The following LRMDA variants were observed in gnomAD, a reference collection of about 807,000 sequenced individuals.
LRMDA encodes the protein leucine rich melanocyte differentiation associated.
A neutral mutation model predicts 29.8 loss-of-function variants in LRMDA; 18 were observed. The observed-to-expected ratio is 0.60, with a 90% CI of 0.42 to 0.90. The LOEUF is 0.90. Among genes scored for constraint, LRMDA ranks in the 40% least tolerant of loss-of-function variants. The pLI is 0.00. For synonymous variants in LRMDA, 125 were observed against 109.4 expected (o/e 1.14, Z -0.89); for missense variants, 273 against 273.9 (o/e 1.00, Z 0.02).
At chr10:75,468,175 G>T (rs561314174) in intron 2 of LRMDA, among the ~76,000 whole-genome samples, 1 of 152,114 alleles carries the variant, frequency 6.6e-6, no homozygotes, top group East Asian at 1.9e-4. Context: ...GAGAGGTTGG[G>T]GCATTGATAA....
At chr10:76,092,958 T>C (rs559405032) in intron 5 of LRMDA, among the ~76,000 whole-genome samples, 1 of 152,292 alleles carries the variant, frequency 6.6e-6, no homozygotes, top group South Asian at 2.1e-4. Flanking sequence ...GGAACTCAGG[T>C]ATTTCTTTTG....
At chr10:76,515,799 C>G (rs1843055244) in intron 6 of LRMDA, among the ~76,000 whole-genome samples, 1 of 152,194 alleles carries the variant, frequency 6.6e-6, no homozygotes, top group African/African-American at 2.4e-5. Flanking sequence ...GCACCATGCC[C>G]AGCCCCCATC....
chr10:75,811,068 C>T (rs1490345982), intron 2 of LRMDA, among the ~76,000 whole-genome samples: 1 of 152,148 alleles, frequency 6.6e-6, no homozygotes, highest in East Asian at 1.9e-4. Context: ...TCAGGATGCA[C>T]AGCTCTTTGT....
chr10:76,389,521 T>C (rs984666050), intron 6 of LRMDA, among the ~76,000 whole-genome samples: 29 of 152,172 alleles, frequency 1.9e-4, no homozygotes, highest in African/African-American at 6.3e-4. Context: ...AAGTGTACAG[T>C]TCAGTGGCGT....
At chr10:76,043,873 A>G (rs1848382529) in intron 3 of LRMDA, among the ~76,000 whole-genome samples, 1 of 152,216 alleles carries the variant, frequency 6.6e-6, no homozygotes, top group Admixed American at 6.5e-5. Context: ...CATACAGCAG[A>G]CAGAAAAAAG....
intron 6 of LRMDA, among the ~76,000 whole-genome samples, chr10:76,411,148 A>G (rs1841956838): frequency 6.6e-6 from 1 of 152,220 alleles, no homozygotes; most frequent in Non-Finnish European, 1.5e-5. Context: ...ATTTTATTAG[A>G]AAAGAATAAA....
chr10:75,974,243 C>T (rs1847031782), intron 2 of LRMDA, among the ~76,000 whole-genome samples: 1 of 152,198 alleles, frequency 6.6e-6, no homozygotes, highest in Admixed American at 6.5e-5. Flanking sequence ...GCAAACACAC[C>T]TTGCTGAGCC....
At chr10:75,859,642 CACACAT>C (rs1312977665) in intron 2 of LRMDA, among the ~76,000 whole-genome samples, 2,070 of 136,852 alleles carry the variant, frequency 0.015, 52 homozygotes, top group East Asian at 0.11. Context: ...CACACACACA[CACACAT>C]ACATCTGGCC....
chr10:75,974,354 T>G (rs1315546729), intron 2 of LRMDA, among the ~76,000 whole-genome samples: 2 of 152,130 alleles, frequency 1.3e-5, no homozygotes, highest in Non-Finnish European at 2.9e-5. Flanking sequence ...AAAATATCAT[T>G]GTTAGTCATT....
intron 5 of LRMDA, among the ~76,000 whole-genome samples, chr10:76,143,991 C>T (rs996738241): frequency 2.0e-5 from 3 of 152,138 alleles, no homozygotes; most frequent in Non-Finnish European, 2.9e-5. Flanking sequence ...TGTTAAAGAT[C>T]AGATAGTTGT....
chr10:75,886,762 G>A (rs775816358), intron 2 of LRMDA, among the ~76,000 whole-genome samples: 1 of 152,206 alleles, frequency 6.6e-6, no homozygotes, highest in South Asian at 2.1e-4. Flanking sequence ...ATTAAAGCTC[G>A]GAAGGTGACT....
chr10:75,539,322 G>A (rs957512285), intron 2 of LRMDA, among the ~76,000 whole-genome samples: 2 of 152,106 alleles, frequency 1.3e-5, no homozygotes, highest in African/African-American at 4.8e-5. Context: ...CACAGAGTAC[G>A]GGCTTTTGAC....
intron 2 of LRMDA, among the ~76,000 whole-genome samples, chr10:75,600,689 TATGCC>T (rs1840872931): frequency 6.6e-6 from 1 of 152,174 alleles, no homozygotes; most frequent in Admixed American, 6.5e-5. Context: ...CAGGGACGTG[TATGCC>T]ATGCCATGCA....
intron 6 of LRMDA, among the ~76,000 whole-genome samples, chr10:76,539,464 C>T (rs1467791329): frequency 2.6e-5 from 4 of 152,284 alleles, no homozygotes; most frequent in African/African-American, 7.2e-5. Flanking sequence ...GCACTAGGAA[C>T]TGGAGCTGCA....
At chr10:76,221,040 A>G (rs1285134380) in intron 5 of LRMDA, among the ~76,000 whole-genome samples, 9 of 152,214 alleles carry the variant, frequency 5.9e-5, no homozygotes, top group Non-Finnish European at 1.3e-4. Flanking sequence ...ATCTCAATAG[A>G]TGCAGAAAAG....
chr10:75,526,613 G>T (rs116382834), intron 2 of LRMDA, among the ~76,000 whole-genome samples: 3,754 of 152,064 alleles, frequency 0.025, 151 homozygotes, highest in African/African-American at 0.086. Flanking sequence ...AGCACTTTGG[G>T]AGTCCAAAGT....
At chr10:76,151,395 C>A (rs1850439940) in intron 5 of LRMDA, among the ~76,000 whole-genome samples, 1 of 152,174 alleles carries the variant, frequency 6.6e-6, no homozygotes, top group Non-Finnish European at 1.5e-5. Context: ...TATTCCATTA[C>A]CCAGTTTTTT....
At chr10:76,549,940 T>C (rs184746031) in intron 6 of LRMDA, among the ~76,000 whole-genome samples, 4 of 152,296 alleles carry the variant, frequency 2.6e-5, no homozygotes, top group African/African-American at 9.6e-5. Context: ...CAGACTCAAG[T>C]CTTCTTGTCG....
intron 2 of LRMDA, among the ~76,000 whole-genome samples, chr10:75,936,163 A>T (rs1255628855): frequency 6.6e-6 from 1 of 152,072 alleles, no homozygotes; most frequent in Non-Finnish European, 1.5e-5. Context: ...GCACTCTAAT[A>T]AGAGAGGCAC....
Sources: allele counts gnomAD v4.1 joint callset (sites outside exome capture counted in the v4.1 genomes callset), GRCh38; gene constraint gnomAD v4.1.1; transcripts MANE v1.5; gene names NCBI Gene and HGNC (gene_info 2026-07-23, HGNC 2026-07-21).